USP33: variants seen among roughly 807,000 people sequenced by gnomAD.
USP33 encodes the protein ubiquitin specific peptidase 33, also known as ubiquitin carboxyl-terminal hydrolase 33.
Under a neutral mutation model 124.2 loss-of-function variants are expected in USP33, and 46 were observed. That is an observed-to-expected ratio of 0.37 (90% CI 0.29 to 0.47). USP33 has a LOEUF of 0.47. Ranked by LOEUF, USP33 falls within the 20% of genes least tolerant of loss-of-function variation. The pLI, the probability that USP33 is intolerant of heterozygous loss-of-function variation, is 0.99. For missense variants in USP33, 851 were observed against 1,070.6 expected (o/e 0.79, Z 2.86); for synonymous variants, 350 against 352.3 (o/e 0.99, Z 0.07).
intron 21 of USP33, among the ~76,000 whole-genome samples, chr1:77,702,929 G>A (rs148337656): frequency 8.5e-4 from 129 of 152,092 alleles, no homozygotes; most frequent in African/African-American, 3.0e-3. Flanking sequence ...TGTAAGTAGT[G>A]TGTAGTAGTG....
chr1:77,739,522 A>G, intron 4 of USP33, 105 bp from the exon 5 acceptor site: 1 of 1,085,464 alleles, frequency 9.2e-7, no homozygotes, highest in Non-Finnish European at 1.3e-6. Context: ...TTTGATGAGT[A>G]ACAATATACT....
At chr1:77,758,512 T>A (rs1237855689) in intron 1 of USP33, among the ~76,000 whole-genome samples, 2 of 152,194 alleles carry the variant, frequency 1.3e-5, no homozygotes, top group African/African-American at 4.8e-5. Flanking sequence ...AATGAAATAA[T>A]ACAAAGCTCC....
intron 21 of USP33, among the ~76,000 whole-genome samples, chr1:77,703,171 A>G (rs1033969330): frequency 2.6e-5 from 4 of 152,196 alleles, no homozygotes; most frequent in Non-Finnish European, 5.9e-5. Context: ...CATACTGGCC[A>G]CTTTGTTATT....
chr1:77,702,589 GTA>G (rs1674166694), intron 21 of USP33, among the ~76,000 whole-genome samples: 1 of 152,048 alleles, frequency 6.6e-6, no homozygotes, highest in Non-Finnish European at 1.5e-5. Flanking sequence ...TAAGGAATGG[GTA>G]TATGACTCAA....
chr1:77,743,747 T>C (rs981905180), intron 1 of USP33, among the ~76,000 whole-genome samples: 3 of 152,186 alleles, frequency 2.0e-5, no homozygotes, highest in African/African-American at 7.2e-5. Flanking sequence ...GACACCATAA[T>C]AGAGGAAATA....
intron 21 of USP33, among the ~76,000 whole-genome samples, chr1:77,709,357 T>A (rs1289171561): frequency 2.0e-5 from 3 of 151,974 alleles, no homozygotes; most frequent in African/African-American, 4.8e-5. Flanking sequence ...AAAAAATTTA[T>A]TTTTTAAATT....
At chr1:77,711,969 T>A in intron 20 of USP33, 114 bp from the exon 21 acceptor site, 1 of 1,060,756 alleles carries the variant, frequency 9.4e-7, no homozygotes, top group African/African-American at 1.7e-5. Context: ...CTCAAAGTAA[T>A]ATAAAAATCA....
At chr1:77,745,129 T>C (rs1292381010) in intron 1 of USP33, among the ~76,000 whole-genome samples, 2 of 152,234 alleles carry the variant, frequency 1.3e-5, no homozygotes, top group Non-Finnish European at 2.9e-5. Context: ...CATATATATT[T>C]AGGATAGTTA....
intron 1 of USP33, among the ~76,000 whole-genome samples, chr1:77,759,047 G>A (rs1280438306): frequency 6.6e-6 from 1 of 152,162 alleles, no homozygotes; most frequent in Non-Finnish European, 1.5e-5. Context: ...GTAAAGGTCT[G>A]GGAAACCACA....
rs776122671 is a variant in USP33 at position 77,697,417 on chromosome 1, C to T, written c.2636G>A (p.Gly879Asp). The stretch of plus-strand genomic sequence containing the variant: ...TCGCAGGATAACTTCAGGCCCTCCA[C>T]CATAAATAGACTGCAGAAAATTCCA... ...ETWNFLQSIY[G>D]GGPEVILRPP... is the part of the protein sequence containing the mutation. Residue 879 changes from glycine (G) to aspartate (D), a missense_variant, in exon 24 of 24, where the codon GGT becomes GAT. Coordinates refer to ENST00000370794, the MANE Select transcript of USP33 (RefSeq NM_201624.3). 16 of 1,612,772 alleles carry T rather than the reference C, an allele frequency of 9.9e-6. 1 individual carries two copies. In the East Asian group the frequency reaches 3.1e-4, roughly 31 times the overall value.
chr1:77,739,983 A>G (rs1678931846), intron 4 of USP33, among the ~76,000 whole-genome samples: 1 of 152,224 alleles, frequency 6.6e-6, no homozygotes, highest in South Asian at 2.1e-4. Flanking sequence ...AATGATATAC[A>G]ATGATGACTC....
intron 1 of USP33, among the ~76,000 whole-genome samples, chr1:77,742,580 CA>C (rs1679249601): frequency 6.6e-6 from 1 of 152,114 alleles, no homozygotes; most frequent in African/African-American, 2.4e-5. Context: ...TTTACTGATC[CA>C]CAGTGTTTGG....
At chr1:77,725,827 T>A in intron 10 of USP33, 65 bp from the exon 11 acceptor site, 1 of 1,379,772 alleles carries the variant, frequency 7.2e-7, no homozygotes, top group Admixed American at 2.5e-5. Context: ...TCCAATAATG[T>A]TAAAGGTTTC....
intron 21 of USP33, among the ~76,000 whole-genome samples, chr1:77,704,938 G>C (rs1030964248): frequency 1.3e-5 from 2 of 152,112 alleles, no homozygotes; most frequent in African/African-American, 2.4e-5. Context: ...GTCATCATCC[G>C]TATCTGTCAC....
chr1:77,707,773 T>C (rs1674794300), intron 21 of USP33, among the ~76,000 whole-genome samples: 1 of 152,234 alleles, frequency 6.6e-6, no homozygotes, highest in East Asian at 1.9e-4. Context: ...TATAGATACA[T>C]ATTTCTTCCT....
intron 1 of USP33, among the ~76,000 whole-genome samples, chr1:77,750,172 G>T (rs2101599471): frequency 6.6e-6 from 1 of 152,024 alleles, no homozygotes; most frequent in Non-Finnish European, 1.5e-5. Context: ...ACAAAAATTA[G>T]CCGTGCATAG....
At chr1:77,698,082 TTG>T in intron 22 of USP33, 151 bp from the exon 23 acceptor site, 1 of 558,614 alleles carries the variant, frequency 1.8e-6, no homozygotes, top group Non-Finnish European at 3.0e-6. Context: ...TTTTTTTTTT[TTG>T]AGATGGAGTC....
At chr1:77,747,240 C>CT (rs752560478) in intron 1 of USP33, among the ~76,000 whole-genome samples, 3,206 of 103,656 alleles carry the variant, frequency 0.031, 60 homozygotes, top group African/African-American at 0.049. Context: ...GGCTTCTGGG[C>CT]TTTTTTTTTT....
At chr1:77,723,294 A>G (rs1324944691) in intron 12 of USP33, 37 bp downstream of exon 12, 4 of 1,442,564 alleles carry the variant, frequency 2.8e-6, no homozygotes, top group Non-Finnish European at 2.9e-6. Flanking sequence ...ATCATTTGAC[A>G]CGAATTTTCT....
Sources: gnomAD v4.1 joint callset for allele counts (sites outside exome capture counted in the v4.1 genomes callset) on GRCh38, gnomAD v4.1.1 for gene constraint, MANE v1.5 for transcripts, NCBI Gene and HGNC (gene_info 2026-07-23, HGNC 2026-07-21) for gene names.